The following HTR1F variants were observed in gnomAD, a reference collection of about 807,000 sequenced individuals.
The protein encoded by HTR1F is 5-hydroxytryptamine receptor 1F, also known as 5-hydroxytryptamine (serotonin) receptor 1F, G protein-coupled.
HTR1F carries 17 observed loss-of-function variants against 24.0 expected under a neutral mutation model. The ratio of observed to expected loss-of-function variants is 0.71; its 90% CI spans 0.48 to 1.06. The LOEUF (loss-of-function observed/expected upper bound fraction) is 1.06, where lower values mean the gene tolerates loss of function less well. HTR1F is among the 50% of genes least tolerant of loss of function. The pLI, the probability that HTR1F is intolerant of heterozygous loss-of-function variation, is 0.00. For missense variants in HTR1F, 391 were observed against 427.8 expected (o/e 0.91, Z 0.76); for synonymous variants, 186 against 156.8 (o/e 1.19, Z -1.39).
chr3:87,855,360 T>C (rs1245294681), intron 2 of HTR1F, among the ~76,000 whole-genome samples: 1 of 152,076 alleles, frequency 6.6e-6, no homozygotes. Context: ...GGGATCCTCA[T>C]GGATCAAGCT....
intron 2 of HTR1F, among the ~76,000 whole-genome samples, chr3:87,880,808 GT>G (rs1489630147): frequency 4.6e-5 from 7 of 152,182 alleles, no homozygotes; most frequent in African/African-American, 1.7e-4. Context: ...ACTCTTTTCA[GT>G]TTTTCTCTAG....
chr3:87,867,810 G>T (rs145065200), intron 2 of HTR1F, among the ~76,000 whole-genome samples: 1 of 152,120 alleles, frequency 6.6e-6, no homozygotes, highest in South Asian at 2.1e-4. Context: ...GTACAAAATA[G>T]TAGGGGTCTT....
At chr3:87,827,531 T>C (rs1704489991) in intron 2 of HTR1F, among the ~76,000 whole-genome samples, 1 of 152,190 alleles carries the variant, frequency 6.6e-6, no homozygotes, top group Non-Finnish European at 1.5e-5. Context: ...CTGCAGTATG[T>C]ATGCTTCTCT....
chr3:87,942,865 G>C (rs1476970262), intron 2 of HTR1F, among the ~76,000 whole-genome samples: 1 of 152,032 alleles, frequency 6.6e-6, no homozygotes, highest in Non-Finnish European at 1.5e-5. Context: ...GACTTTTGAA[G>C]TTTTTTAATG....
At chr3:87,825,813 C>T (rs1704451142) in intron 2 of HTR1F, among the ~76,000 whole-genome samples, 1 of 152,142 alleles carries the variant, frequency 6.6e-6, no homozygotes, top group Non-Finnish European at 1.5e-5. Context: ...AGAGGTACCA[C>T]TTGAGACAGG....
chr3:87,835,329 G>C (rs571211573), intron 2 of HTR1F, among the ~76,000 whole-genome samples: 1 of 148,370 alleles, frequency 6.7e-6, no homozygotes, highest in Non-Finnish European at 1.5e-5. Context: ...TAAATATGGA[G>C]ATGGCATATA....
intron 2 of HTR1F, among the ~76,000 whole-genome samples, chr3:87,889,445 G>A (rs1251624851): frequency 6.6e-6 from 1 of 152,010 alleles, no homozygotes; most frequent in African/African-American, 2.4e-5. Flanking sequence ...GTTCAAACAA[G>A]TCTCTTCACT....
At chr3:87,865,785 G>A (rs1329670819) in intron 2 of HTR1F, among the ~76,000 whole-genome samples, 1 of 151,764 alleles carries the variant, frequency 6.6e-6, no homozygotes, top group Non-Finnish European at 1.5e-5. Flanking sequence ...TTCTGGTATG[G>A]GACTATTACA....
At chr3:87,949,384 A>T (rs1209462802) in intron 2 of HTR1F, among the ~76,000 whole-genome samples, 8 of 152,220 alleles carry the variant, frequency 5.3e-5, no homozygotes, top group African/African-American at 1.9e-4. Flanking sequence ...GTAAGGTATA[A>T]ATCACAGCTT....
In HTR1F at chr3:87,846,598, T is replaced by G. The variant is rs190750627; in HGVS notation, c.-43+24474T>G. 1.7e-3 allele frequency among the ~76,000 whole-genome samples: 255 copies of G among 152,072 alleles called. 4 individuals carry two copies. Among genetic ancestry groups the G allele is most frequent in the Middle Eastern group, 6.8e-3 (2 of 292 alleles). ...AGCAACATAGTCAGCATTTCAATTT[T>G]TTTGTTTGTTTGTTTGTTTGTTTTG... On this transcript the variant is annotated intron_variant, in intron 2 of 2. Coordinates refer to ENST00000319595, the MANE Select transcript of HTR1F (RefSeq NM_001322209.2).
chr3:87,834,429 C>T (rs1704642632), intron 2 of HTR1F, among the ~76,000 whole-genome samples: 1 of 150,170 alleles, frequency 6.7e-6, no homozygotes. Flanking sequence ...TTAGGAAAGA[C>T]TTAGTTCTTT....
intron 2 of HTR1F, among the ~76,000 whole-genome samples, chr3:87,874,815 C>T (rs1276338200): frequency 3.9e-5 from 6 of 151,924 alleles, no homozygotes; most frequent in African/African-American, 1.2e-4. Context: ...ACTAGTGGAA[C>T]GTAATAGAAA....
chr3:87,909,892 C>T (rs1703740691), intron 2 of HTR1F, among the ~76,000 whole-genome samples: 1 of 151,906 alleles, frequency 6.6e-6, no homozygotes, highest in African/African-American at 2.4e-5. Context: ...GTGTACTATC[C>T]AGTTTTCTTT....
Position 87,991,438 on chromosome 3 carries a change from T to C in HTR1F, c.689T>C (p.Leu230Pro), listed in dbSNP as rs200867459. 7.4e-6 allele frequency: 12 copies of C among 1,613,862 alleles called. No individual in the cohort carries two copies. Among genetic ancestry groups the C allele is most frequent in the Middle Eastern group, 1.6e-4 (1 of 6,084 alleles). The change falls in exon 3 of 3, where the codon CTT (leucine) becomes CCT (proline). Residue 230 changes from leucine to proline, a missense_variant. Transcript: ENST00000319595. ...IAKEEVNGQVLLESGEKSTKS... is the reference protein window; with the variant it reads ...IAKEEVNGQVPLESGEKSTKS... ...AAGGAGGAGGTGAATGGCCAAGTCC[T>C]TTTGGAGAGTGGTGAGAAAAGCACT...
chr3:87,987,119 AAAAATAAAAT>A (rs10548050), intron 2 of HTR1F, among the ~76,000 whole-genome samples: 89,745 of 150,782 alleles, frequency 0.6, 26,939 homozygotes, highest in South Asian at 0.73. Flanking sequence ...AAAATAAAAT[AAAAATAAAAT>A]AAAATAAAAT....
chr3:87,848,447 C>G (rs78181458), intron 2 of HTR1F, among the ~76,000 whole-genome samples: 18,746 of 151,396 alleles, frequency 0.12, 1,623 homozygotes, highest in African/African-American at 0.22. Flanking sequence ...AAATTTTTTC[C>G]CCTTCAAGAG....
chr3:87,988,860 T>G (rs897519557), intron 2 of HTR1F, among the ~76,000 whole-genome samples: 1 of 151,984 alleles, frequency 6.6e-6, no homozygotes, highest in African/African-American at 2.4e-5. Context: ...ATTACAGGAA[T>G]GAGCTACCGG....
At chr3:87,919,058 CAAAT>C (rs1209435048) in intron 2 of HTR1F, among the ~76,000 whole-genome samples, 2 of 151,792 alleles carry the variant, frequency 1.3e-5, no homozygotes, top group African/African-American at 2.4e-5. Flanking sequence ...ACAGAGAACA[CAAAT>C]AAACTCAAAT....
At chr3:87,981,893 G>T (rs559137937) in intron 2 of HTR1F, among the ~76,000 whole-genome samples, 11 of 152,114 alleles carry the variant, frequency 7.2e-5, no homozygotes, top group African/African-American at 2.2e-4. Flanking sequence ...AAGCAATGAG[G>T]TGTGCGTATA....
Sources: allele counts gnomAD v4.1 joint callset (sites outside exome capture counted in the v4.1 genomes callset), GRCh38; gene constraint gnomAD v4.1.1; transcripts MANE v1.5; gene names NCBI Gene and HGNC (gene_info 2026-07-23, HGNC 2026-07-21).